The following EPN2 variants were observed in gnomAD, a reference collection of about 807,000 sequenced individuals.
The protein encoded by EPN2 is epsin-2.
Under a neutral mutation model 61.7 loss-of-function variants are expected in EPN2, and 34 were observed. The ratio of observed to expected loss-of-function variants is 0.55; its 90% CI spans 0.42 to 0.73. The LOEUF is 0.73. Among genes scored for constraint, EPN2 ranks in the 30% least tolerant of loss-of-function variants. EPN2 has a pLI of 0.00. For missense variants in EPN2, 714 were observed against 839.2 expected (o/e 0.85, Z 1.84); for synonymous variants, 349 against 353.6 (o/e 0.99, Z 0.15).
At chr17:19,282,907 A>G in intron 2 of EPN2, 43 bp from the exon 3 acceptor site, 2 of 521,696 alleles carry the variant, frequency 3.8e-6, no homozygotes, top group Non-Finnish European at 6.8e-6. Context: ...CCACCCTCAC[A>G]GGGGGCTTAC....
At chr17:19,314,327 G>A (rs2152233292) in intron 7 of EPN2, among the ~76,000 whole-genome samples, 1 of 138,712 alleles carries the variant, frequency 7.2e-6, no homozygotes, top group East Asian at 3.1e-4. Flanking sequence ...AGGAGTGTGA[G>A]GTAAGCATTT....
At chr17:19,313,932 C>G (rs976357533) in intron 7 of EPN2, among the ~76,000 whole-genome samples, 2 of 152,154 alleles carry the variant, frequency 1.3e-5, no homozygotes, top group African/African-American at 4.8e-5. Context: ...TTTATGAAGG[C>G]TTCCTGGCCT....
At chr17:19,305,402 A>G (rs1484853550) in intron 4 of EPN2, among the ~76,000 whole-genome samples, 3 of 152,188 alleles carry the variant, frequency 2.0e-5, no homozygotes, top group Non-Finnish European at 4.4e-5. Context: ...TGACATCATT[A>G]CAAGCATGAG....
intron 4 of EPN2, among the ~76,000 whole-genome samples, chr17:19,291,602 T>C (rs1454262689): frequency 3.3e-5 from 5 of 152,006 alleles, no homozygotes; most frequent in Non-Finnish European, 7.4e-5. Flanking sequence ...TGCGCCCGGC[T>C]AATTTTTTTT....
At chr17:19,288,513 C>T (rs543857842) in intron 4 of EPN2, among the ~76,000 whole-genome samples, 11 of 152,186 alleles carry the variant, frequency 7.2e-5, no homozygotes, top group Admixed American at 4.6e-4. Context: ...TGAGGGTGAG[C>T]CTTGTGGAGG....
In EPN2 at chr17:19,313,196, G is replaced by A. The variant is rs757735795; in HGVS notation, c.1064G>A (p.Gly355Asp). The change falls in exon 7 of 11, where the codon GGC (glycine) becomes GAC (aspartate). Residue 355 changes from glycine (G) to aspartate (D), a missense_variant. Gly to Asp is a moderately conservative substitution (Grantham distance 94). Around this residue, in one of 2 missense-constraint regions of EPN2, gnomAD observed 410 missense variants for 421.8 expected, o/e 0.97. Coordinates refer to ENST00000314728, the MANE Select transcript of EPN2 (RefSeq NM_014964.5). Reference sequence around the variant, plus strand: ...GCGGCCCAGAAAGCAGAGCCCTGGGGCCCGTCAGCCTCCACTAACCAGACC... The same window carrying A: ...GCGGCCCAGAAAGCAGAGCCCTGGGACCCGTCAGCCTCCACTAACCAGACC... ...GPAAQKAEPW[G>D]PSASTNQTNP... The A allele has an allele frequency of 1.2e-6, 2 of 1,612,456 alleles. No individual in the cohort carries two copies. Among genetic ancestry groups the A allele is most frequent in the Middle Eastern group, 1.7e-4 (1 of 6,050 alleles).
chr17:19,295,527 C>A (rs1187463707), intron 4 of EPN2, among the ~76,000 whole-genome samples: 1 of 151,284 alleles, frequency 6.6e-6, no homozygotes. Context: ...AGTGAAACTC[C>A]CTCTCAGAAA....
intron 4 of EPN2, chr17:19,308,603 AAG>A: frequency 1.0e-6 from 1 of 985,308 alleles, no homozygotes; most frequent in Non-Finnish European, 1.2e-6. Flanking sequence ...CTGACTACAA[AAG>A]AGGAGGTGGG....
chr17:19,251,064 G>T (rs1256306111), intron 1 of EPN2, among the ~76,000 whole-genome samples: 1 of 152,114 alleles, frequency 6.6e-6, no homozygotes, highest in Non-Finnish European at 1.5e-5. Flanking sequence ...AGTACATTCT[G>T]ATGCCTTCCC....
intron 1 of EPN2, among the ~76,000 whole-genome samples, chr17:19,262,012 A>G (rs2045146534): frequency 6.6e-6 from 1 of 151,820 alleles, no homozygotes; most frequent in African/African-American, 2.4e-5. Flanking sequence ...ACGTGGTGAA[A>G]CCCATCTCTA....
rs984203808 is a variant in EPN2 at position 19,336,678 on chromosome 17, AT to A, written c.*2427del. 3 of 152,548 alleles carry A rather than the reference AT, an allele frequency of 2.0e-5. No individual in the cohort carries two copies. The highest frequency in any genetic ancestry group is 7.2e-5 in the African/African-American group (3 of 41,428). The allele number at this position is 152,548 out of a possible 1,614,324, so 9.4% of individuals were successfully genotyped here. ...GAACTTGTGTTGACTGTTGATACTT[AT>A]TTACTGTATAAATATAATTTATCAT... On this transcript the variant is annotated 3_prime_UTR_variant, in exon 11 of 11. Coordinates refer to ENST00000314728, the MANE Select transcript of EPN2 (RefSeq NM_014964.5).
At chr17:19,329,105 A>G (rs1907041382) in intron 8 of EPN2, 4 of 492,524 alleles carry the variant, frequency 8.1e-6, no homozygotes, top group Admixed American at 7.5e-5. Flanking sequence ...CTCCCTCCAA[A>G]TTGAGGGGGC....
chr17:19,329,773 G>A (rs1400523565), intron 9 of EPN2, 126 bp downstream of exon 9: 2 of 629,928 alleles, frequency 3.2e-6, no homozygotes, highest in East Asian at 5.6e-5. Flanking sequence ...TTGATCTTGG[G>A]AGCCTGAAGT....
At chr17:19,244,774 G>C (rs1423375508) in intron 1 of EPN2, among the ~76,000 whole-genome samples, 1 of 152,010 alleles carries the variant, frequency 6.6e-6, no homozygotes, top group Non-Finnish European at 1.5e-5. Flanking sequence ...TTTTCATGGT[G>C]GTCCTGCAAG....
chr17:19,251,367 T>C (rs2045013274), intron 1 of EPN2, among the ~76,000 whole-genome samples: 1 of 152,178 alleles, frequency 6.6e-6, no homozygotes, highest in Admixed American at 6.5e-5. Flanking sequence ...CTCTTTGCAC[T>C]GTGTGTTGGG....
chr17:19,319,010 A>G (rs1248860781), intron 7 of EPN2, among the ~76,000 whole-genome samples: 2 of 152,074 alleles, frequency 1.3e-5, no homozygotes, highest in Non-Finnish European at 2.9e-5. Flanking sequence ...CAGCCTGGCC[A>G]ACATGGTGAA....
intron 1 of EPN2, among the ~76,000 whole-genome samples, chr17:19,252,151 A>G (rs952964402): frequency 6.6e-6 from 1 of 152,042 alleles, no homozygotes; most frequent in African/African-American, 2.4e-5. Context: ...TGTGAGAGAG[A>G]CTAGGCCGCA....
At chr17:19,305,555 A>G (rs1392045933) in intron 4 of EPN2, among the ~76,000 whole-genome samples, 1 of 152,190 alleles carries the variant, frequency 6.6e-6, no homozygotes, top group African/African-American at 2.4e-5. Context: ...GAAAATTGCA[A>G]AATGTAGCTG....
intron 1 of EPN2, among the ~76,000 whole-genome samples, chr17:19,248,889 C>G (rs538377963): frequency 6.6e-6 from 1 of 152,188 alleles, no homozygotes; most frequent in East Asian, 1.9e-4. Flanking sequence ...GAGAAGGCTT[C>G]GAGGAAATAG....
Sources: gnomAD v4.1 joint callset for allele counts (sites outside exome capture counted in the v4.1 genomes callset) on GRCh38, gnomAD v4.1.1 for gene constraint, gnomAD v4.1.1 regional missense constraint, MANE v1.5 for transcripts, NCBI Gene and HGNC (gene_info 2026-07-23, HGNC 2026-07-21) for gene names.